LRRC49: variants seen among roughly 807,000 people sequenced by gnomAD.
LRRC49 encodes the protein leucine-rich repeat-containing protein 49.
Under a neutral mutation model 83.3 loss-of-function variants are expected in LRRC49, and 50 were observed. That is an observed-to-expected ratio of 0.60 (90% CI 0.48 to 0.76). The LOEUF (loss-of-function observed/expected upper bound fraction) is 0.76, where lower values mean the gene tolerates loss of function less well. Ranked by LOEUF, LRRC49 falls within the 30% of genes least tolerant of loss-of-function variation. The probability of loss-of-function intolerance (pLI) is 0.00; values close to 1 mark genes in which losing one functional copy is unlikely to be tolerated. For synonymous variants in LRRC49, 286 were observed against 283.3 expected, an observed-to-expected ratio of 1.01 and a Z score of -0.10; for missense variants, 704 against 809.1, an observed-to-expected ratio of 0.87 and a Z score of 1.58.
At chr15:70,873,284 A>G in intron 2 of LRRC49, 1 of 1,485,288 alleles carries the variant, frequency 6.7e-7, no homozygotes, top group Non-Finnish European at 9.1e-7. Flanking sequence ...CTATCCCCTC[A>G]CTGAACTAAA....
chr15:70,949,272 C>T (rs553525076), intron 8 of LRRC49, among the ~76,000 whole-genome samples: 19 of 152,240 alleles, frequency 1.2e-4, no homozygotes, highest in Admixed American at 5.9e-4. Context: ...TTTTGGTCAA[C>T]GATGGACCAC....
chr15:70,863,923 A>T (rs2032855189), intron 1 of LRRC49, among the ~76,000 whole-genome samples: 1 of 152,238 alleles, frequency 6.6e-6, no homozygotes, highest in Non-Finnish European at 1.5e-5. Context: ...GCTCAGAATA[A>T]CATCTCACAG....
intron 6 of LRRC49, among the ~76,000 whole-genome samples, chr15:70,912,699 C>T (rs1262017885): frequency 4.0e-5 from 6 of 151,458 alleles, no homozygotes; most frequent in South Asian, 2.1e-4. Flanking sequence ...ATTTTTGAGA[C>T]GGAGTCTTGC....
intron 8 of LRRC49, among the ~76,000 whole-genome samples, chr15:70,950,338 G>A (rs1230373763): frequency 1.3e-5 from 2 of 152,074 alleles, no homozygotes; most frequent in African/African-American, 2.4e-5. Context: ...TGGGTCAAAT[G>A]GTAATTCTGT....
At chr15:71,044,260 C>A (rs1249052954) in intron 15 of LRRC49, among the ~76,000 whole-genome samples, 2 of 152,148 alleles carry the variant, frequency 1.3e-5, no homozygotes, top group Non-Finnish European at 2.9e-5. Context: ...TATCACACAT[C>A]AAAAATCTGT....
At chr15:70,870,746 G>A (rs144600116) in intron 1 of LRRC49, among the ~76,000 whole-genome samples, 15 of 152,208 alleles carry the variant, frequency 9.9e-5, no homozygotes, top group South Asian at 4.1e-4. Context: ...CGCCTAGGCC[G>A]CCCAAAGTGT....
At chr15:70,998,533 G>A (rs144110357) in intron 11 of LRRC49, among the ~76,000 whole-genome samples, 1,625 of 151,880 alleles carry the variant, frequency 0.011, 29 homozygotes, top group African/African-American at 0.036. Context: ...GATTTCTGAT[G>A]AGAAATCAGC....
chr15:70,971,035 T>G (rs1180841279), intron 9 of LRRC49, among the ~76,000 whole-genome samples: 8 of 150,990 alleles, frequency 5.3e-5, no homozygotes, highest in African/African-American at 2.0e-4. Context: ...CCTTTTGAAT[T>G]TGTTTGCTCT....
intron 7 of LRRC49, among the ~76,000 whole-genome samples, chr15:70,925,695 A>G (rs1248922422): frequency 2.0e-5 from 3 of 152,190 alleles, no homozygotes; most frequent in African/African-American, 2.4e-5. Context: ...TTTAGGATAT[A>G]CTGCATCATC....
chr15:70,960,450 G>T (rs1447332413), intron 8 of LRRC49, among the ~76,000 whole-genome samples: 2 of 152,200 alleles, frequency 1.3e-5, no homozygotes, highest in African/African-American at 2.4e-5. Context: ...TAAACTTCAT[G>T]TTCTTATCAG....
At chr15:70,873,368 G>A in intron 2 of LRRC49, 1 of 934,464 alleles carries the variant, frequency 1.1e-6, no homozygotes, top group Non-Finnish European at 1.6e-6. Flanking sequence ...GGTGAGGAGG[G>A]AACAGGAAAA....
Position 71,050,378 on chromosome 15 carries a change from A to G in LRRC49, c.*766A>G, listed in dbSNP as rs1362642190. ...GTTTCCTTCCATTGTTAGCTCTCAA[A>G]TGCTCTTTTAATAGACATGCATGTG... On this transcript the variant is annotated 3_prime_UTR_variant, in exon 16 of 16. Coordinates refer to ENST00000260382, the MANE Select transcript of LRRC49 (RefSeq NM_017691.5). 6.6e-6 allele frequency: 1 copy of G among 152,216 alleles called. No individual in the cohort carries two copies. The highest frequency in any genetic ancestry group is 1.5e-5 in the Non-Finnish European group (1 of 68,036). 9.4% of individuals were successfully genotyped at this position (152,216 alleles called of 1,614,324 possible). A position where few individuals can be genotyped will look rare whatever the true frequency, so the allele number is the denominator to read the frequency against.
rs776682503 is a variant in LRRC49, at chr15:70,882,447, TGA to T, written c.18+9226_18+9227del. The T allele has an allele frequency of 4.2e-5, 68 of 1,601,782 alleles. 1 individual carries two copies. In the Admixed American group the frequency reaches 7.1e-4, roughly 17 times the overall value. On this transcript the variant is annotated intron_variant, in intron 2 of 16. Coordinates refer to the LRRC49 transcript ENST00000544974. ...TATAGCACATCAGAGCATTTGATGT[TGA>T]GTTTTTAACATGTTTCTTCTTTCAC...
At chr15:70,927,931 G>T (rs528176938) in intron 7 of LRRC49, among the ~76,000 whole-genome samples, 1 of 152,302 alleles carries the variant, frequency 6.6e-6, no homozygotes, top group South Asian at 2.1e-4. Context: ...TTACAGGCAT[G>T]AGCCACCATG....
intron 11 of LRRC49, among the ~76,000 whole-genome samples, chr15:70,991,599 T>G (rs1172309183): frequency 6.6e-6 from 1 of 152,208 alleles, no homozygotes; most frequent in Non-Finnish European, 1.5e-5. Flanking sequence ...TGGAATTTTT[T>G]TCGGATATTT....
chr15:70,916,588 C>G (rs569266767), intron 6 of LRRC49, among the ~76,000 whole-genome samples: 1 of 152,360 alleles, frequency 6.6e-6, no homozygotes, highest in East Asian at 1.9e-4. Flanking sequence ...AGCTACCGCG[C>G]CTGGCCTCAG....
intron 5 of LRRC49, among the ~76,000 whole-genome samples, chr15:70,906,895 C>T (rs1479445802): frequency 6.6e-6 from 1 of 152,158 alleles, no homozygotes; most frequent in African/African-American, 2.4e-5. Flanking sequence ...AAAGGAATAG[C>T]TGTGGAACAG....
At chr15:70,993,166 A>G (rs1000682881) in intron 11 of LRRC49, among the ~76,000 whole-genome samples, 1 of 152,186 alleles carries the variant, frequency 6.6e-6, no homozygotes, top group African/African-American at 2.4e-5. Flanking sequence ...CTGTGGACGT[A>G]GGAACCCTCC....
chr15:70,978,279 G>A (rs1426119154), intron 9 of LRRC49, among the ~76,000 whole-genome samples: 1 of 152,160 alleles, frequency 6.6e-6, no homozygotes, highest in Non-Finnish European at 1.5e-5. Context: ...TGGGATCTTT[G>A]CTCTATGTTG....
Sources: gnomAD v4.1 joint callset for allele counts (sites outside exome capture counted in the v4.1 genomes callset) on GRCh38, gnomAD v4.1.1 for gene constraint, MANE v1.5 for transcripts, NCBI Gene and HGNC (gene_info 2026-07-23, HGNC 2026-07-21) for gene names.